Variants in FBN2 observed in about 807,000 individuals in gnomAD.
The protein encoded by FBN2 is fibrillin 2, also known as fibrillin-2.
Under a neutral mutation model 355.6 loss-of-function variants are expected in FBN2, and 105 were observed. That is an observed-to-expected ratio of 0.30 (90% CI 0.25 to 0.35). The LOEUF (loss-of-function observed/expected upper bound fraction) is 0.35, where lower values mean the gene tolerates loss of function less well. Ranked by LOEUF, FBN2 falls within the 10% of genes least tolerant of loss-of-function variation. FBN2 has a pLI of 1.00. For synonymous variants in FBN2, 1,350 were observed against 1,301.2 expected, an observed-to-expected ratio of 1.04 and a Z score of -0.81; for missense variants, 3,280 against 3,758.7, an observed-to-expected ratio of 0.87 and a Z score of 3.33.
At chr5:128,291,137 CCA>C (rs1418630176) in intron 49 of FBN2, among the ~76,000 whole-genome samples, 1 of 152,088 alleles carries the variant, frequency 6.6e-6, no homozygotes, top group African/African-American at 2.4e-5. Flanking sequence ...AAAGTGATTT[CCA>C]CACAGAGTCT....
At chr5:128,268,165 A>G (rs929048669) in intron 62 of FBN2, among the ~76,000 whole-genome samples, 1 of 152,188 alleles carries the variant, frequency 6.6e-6, no homozygotes, top group Non-Finnish European at 1.5e-5. Flanking sequence ...AATCAAATAG[A>G]CACAATAAAA....
At chr5:128,411,946 T>C (rs1243077535) in intron 7 of FBN2, among the ~76,000 whole-genome samples, 1 of 152,252 alleles carries the variant, frequency 6.6e-6, no homozygotes, top group Non-Finnish European at 1.5e-5. Context: ...GGAAGTATTA[T>C]ATCCACAAAT....
intron 11 of FBN2, among the ~76,000 whole-genome samples, chr5:128,388,452 G>C (rs1333965227): frequency 7.2e-5 from 11 of 152,168 alleles, no homozygotes; most frequent in Non-Finnish European, 1.6e-4. Context: ...ATGTACTTAA[G>C]TTTGTTTTTG....
At chr5:128,485,982 A>G (rs57050667) in intron 5 of FBN2, among the ~76,000 whole-genome samples, 32,002 of 152,082 alleles carry the variant, frequency 0.21, 6,043 homozygotes, top group African/African-American at 0.51. Context: ...ATTCTGTCCT[A>G]TTTTCCAGGA....
chr5:128,514,030 G>A (rs775002809), intron 5 of FBN2, among the ~76,000 whole-genome samples: 2 of 152,072 alleles, frequency 1.3e-5, no homozygotes, highest in African/African-American at 2.4e-5. Flanking sequence ...AGAAATGTGT[G>A]TGTGTGTGTG....
chr5:128,338,870 G>A lies in FBN2; in HGVS notation c.3472+63C>T, dbSNP rs1480664285. 4 of 1,551,914 alleles carry A rather than the reference G, an allele frequency of 2.6e-6. No homozygotes were observed. In the Admixed American group the frequency reaches 5.0e-5, roughly 19 times the overall value. On this transcript the variant is annotated intron_variant, in intron 26 of 64. Coordinates refer to ENST00000262464, the MANE Select transcript of FBN2 (RefSeq NM_001999.4). Reference sequence around the variant, plus strand: ...CAGCCCAGAGATAAGCAAAGGTCATGCGCACGAATGAGTCTGTGCTAGTAT... The same window carrying A: ...CAGCCCAGAGATAAGCAAAGGTCATACGCACGAATGAGTCTGTGCTAGTAT...
At chr5:128,274,084 T>G (rs1311250802) in intron 60 of FBN2, 116 bp from the exon 61 acceptor site, 6 of 1,222,678 alleles carry the variant, frequency 4.9e-6, no homozygotes, top group Non-Finnish European at 7.1e-6. Flanking sequence ...GAAAATGGCA[T>G]TTTGGGAAAA....
intron 51 of FBN2, 86 bp from the exon 52 acceptor site, chr5:128,289,338 C>A (rs1263275317): frequency 7.0e-7 from 1 of 1,423,408 alleles, no homozygotes; most frequent in Non-Finnish European, 9.9e-7. Flanking sequence ...AATCCCAGCA[C>A]TTTGGGAGGC....
chr5:128,395,691 G>C (rs1001647460), intron 8 of FBN2, among the ~76,000 whole-genome samples: 11 of 152,168 alleles, frequency 7.2e-5, no homozygotes, highest in African/African-American at 2.7e-4. Context: ...CTAAAATGAG[G>C]GCATGAGCCA....
chr5:128,280,193 A>G lies in FBN2; in HGVS notation c.7137T>C (p.Leu2379=). 2 of 1,611,846 alleles carry G rather than the reference A, an allele frequency of 1.2e-6. No individual in the cohort carries two copies. The highest frequency in any genetic ancestry group is 2.2e-5 in the South Asian group (2 of 91,036). ...TAATATATTTGGATGTCAACTTACC[A>G]AGGCATTCAGTGCCTGAAGAACTTG... ...FQSSSSGTEC[L]DNRQGLCFAE... Residue 2379 remains leucine (L), a splice_region_variant and synonymous_variant, in exon 56 of 65, where the codon CTT becomes CTC. Coordinates refer to ENST00000262464, the MANE Select transcript of FBN2 (RefSeq NM_001999.4).
intron 12 of FBN2, among the ~76,000 whole-genome samples, chr5:128,378,503 G>A (rs2126959779): frequency 6.6e-6 from 1 of 152,222 alleles, no homozygotes; most frequent in Non-Finnish European, 1.5e-5. Flanking sequence ...AATCAGAGAA[G>A]GTTACTGATG....
chr5:128,349,056 T>G (rs191279812), intron 23 of FBN2, among the ~76,000 whole-genome samples: 1 of 152,364 alleles, frequency 6.6e-6, no homozygotes, highest in Admixed American at 6.5e-5. Context: ...CAACATATTC[T>G]TACTCTATTA....
chr5:128,314,443 G>A (rs1198987826), intron 36 of FBN2, among the ~76,000 whole-genome samples: 2 of 151,970 alleles, frequency 1.3e-5, no homozygotes, highest in South Asian at 4.2e-4. Flanking sequence ...TCAGCCTCCC[G>A]AGTAGCTGGG....
intron 42 of FBN2, among the ~76,000 whole-genome samples, chr5:128,306,200 A>G (rs1301947274): frequency 6.6e-6 from 1 of 152,186 alleles, no homozygotes; most frequent in African/African-American, 2.4e-5. Context: ...TAGCAAATGA[A>G]CTTTCTAGGC....
At chr5:128,299,997 G>A (rs1443194317) in intron 48 of FBN2, among the ~76,000 whole-genome samples, 1 of 152,106 alleles carries the variant, frequency 6.6e-6, no homozygotes, top group African/African-American at 2.4e-5. Flanking sequence ...CTAATTATGT[G>A]GTCTGAAGAA....
At position 128,259,500 on chromosome 5, in the gene FBN2, C is replaced by A; in HGVS notation, c.8694G>T (p.Glu2898Asp). 6.2e-7 allele frequency: 1 copy of A among 1,613,624 alleles called. No homozygotes were observed. The change falls in exon 65 of 65, where the codon GAG (glutamate) becomes GAT (aspartate). Residue 2898 changes from glutamate (E) to aspartate (D), a missense_variant. Coordinates refer to ENST00000262464, the MANE Select transcript of FBN2 (RefSeq NM_001999.4). ...ESNEDDYLLGELGEALRMRLQ... is the reference protein window; with the variant it reads ...ESNEDDYLLGDLGEALRMRLQ... ...GCCTCATTCTGAGAGCCTCCCCAAG[C>A]TCCCCTAGGAGGTAGTCATCCTCAT...
chr5:128,313,743 C>A (rs1283084559), intron 36 of FBN2, among the ~76,000 whole-genome samples: 1 of 148,802 alleles, frequency 6.7e-6, no homozygotes, highest in Non-Finnish European at 1.5e-5. Context: ...GTCCCAGCTA[C>A]TAGGGTGGCT....
rs528179361 is a variant in FBN2, at chr5:128,534,398, G to C, written c.337+2004C>G. Among the ~76,000 whole-genome samples, 143 of 152,244 alleles carry C rather than the reference G, an allele frequency of 9.4e-4. 2 individuals carry two copies. Among genetic ancestry groups the C allele is most frequent in the African/African-American group, 3.2e-3 (134 of 41,550 alleles). On this transcript the variant is annotated intron_variant, in intron 2 of 64. Transcript: ENST00000262464. The stretch of plus-strand genomic sequence containing the variant: ...CTACTGAATTGAATGCAGGCTATTA[G>C]CATTAAATGAGACTCATGCAATAGA...
intron 41 of FBN2, 84 bp downstream of exon 41, chr5:128,309,163 C>T: frequency 7.0e-6 from 10 of 1,436,190 alleles, no homozygotes; most frequent in Non-Finnish European, 9.8e-6. Context: ...CTAGTTTTAG[C>T]ATGCAGTGAC....
Sources: allele counts gnomAD v4.1 joint callset (sites outside exome capture counted in the v4.1 genomes callset), GRCh38; gene constraint gnomAD v4.1.1; transcripts MANE v1.5; gene names NCBI Gene and HGNC (gene_info 2026-07-23, HGNC 2026-07-21).